Variants in PRODH2 observed in about 807,000 individuals in gnomAD.
PRODH2 encodes the protein hydroxyproline dehydrogenase.
Under a neutral mutation model 51.9 loss-of-function variants are expected in PRODH2, and 49 were observed. That is an observed-to-expected ratio of 0.94 (90% CI 0.75 to 1.20). The LOEUF (loss-of-function observed/expected upper bound fraction) is 1.20. PRODH2 is among the 50% of genes most tolerant of loss of function. The pLI is 0.00. For missense variants in PRODH2, 597 were observed against 610.9 expected (o/e 0.98, Z 0.24); for synonymous variants, 249 against 260.7 (o/e 0.96, Z 0.43).
At position 35,812,438 on chromosome 19, in the gene PRODH2, T is replaced by C; in HGVS notation, c.293A>G (p.Gln98Arg). The change falls in exon 2 of 10, where the codon CAG (glutamine) becomes CGG (arginine). Residue 98 changes from glutamine (Q) to arginine (R), a missense_variant. Coordinates refer to ENST00000653904, the MANE Select transcript of PRODH2 (RefSeq NM_021232.2). ...TCGGAGGCTGAGGGTCCGCAGCTGC[T>C]GCACGCAGCCCTTCACCTCCTCTGC... Reference protein sequence around the residue: ...ETAEEVKGCVQQLRTLSLRPL... With the variant: ...ETAEEVKGCVRQLRTLSLRPL... The C allele has an allele frequency of 6.2e-7, 1 of 1,614,226 alleles. No homozygotes were observed. Among genetic ancestry groups the C allele is most frequent in the Non-Finnish European group, 8.5e-7 (1 of 1,180,036 alleles).
chr19:35,809,965 A>T (rs1352010754), intron 4 of PRODH2, among the ~76,000 whole-genome samples: 1 of 130,450 alleles, frequency 7.7e-6, no homozygotes, highest in Non-Finnish European at 1.6e-5. Flanking sequence ...CTTCAAAAAA[A>T]AAAAAAAAAA....
chr19:35,812,421 T>G lies in PRODH2; in HGVS notation c.310A>C (p.Ser104Arg), dbSNP rs148660907. Residue 104 changes from serine (S) to arginine (R), a missense_variant, in exon 2 of 10, where the codon AGC becomes CGC. Transcript: ENST00000653904. Reference protein sequence around the residue: ...KGCVQQLRTLSLRPLLAVPTE... With the variant: ...KGCVQQLRTLRLRPLLAVPTE... ...GGCACTGCCAGCAGTGGTCGGAGGCTGAGGGTCCGCAGCTGCTGCACGCAG... is the reference window on the plus strand; with the variant it reads ...GGCACTGCCAGCAGTGGTCGGAGGCGGAGGGTCCGCAGCTGCTGCACGCAG... The G allele has an allele frequency of 1.1e-4, 183 of 1,614,238 alleles. 1 individual carries two copies. In the African/African-American group the frequency reaches 1.7e-3, roughly 15 times the overall value.
At position 35,802,190 on chromosome 19, in the gene PRODH2, C is replaced by G. The variant is rs763312751; in HGVS notation, c.1198+1G>C. 1.2e-6 allele frequency: 2 copies of G among 1,613,764 alleles called. No homozygotes were observed. The highest frequency in any genetic ancestry group is 2.7e-5 in the African/African-American group (2 of 74,844). On this transcript the variant is annotated splice_donor_variant, in intron 9 of 9. Transcript: ENST00000653904. LOFTEE classifies it high-confidence loss of function. ...TGGGGGTGGGGGAGCCATTCACATA[C>G]CCAGTGCTAGAGAGACGTGGTCACA...
At chr19:35,805,110 G>T (rs1482714893) in intron 7 of PRODH2, among the ~76,000 whole-genome samples, 1 of 152,108 alleles carries the variant, frequency 6.6e-6, no homozygotes, top group Admixed American at 6.6e-5. Context: ...TCATTGGTAT[G>T]AGGTTACTTT....
In PRODH2 at chr19:35,802,258, A is replaced by C. The variant is rs760256917; in HGVS notation, c.1131T>G (p.Ile377Met). ...CGAAACAGACAGTCCCATCCAGAGG[A>C]ATGCCCAGCTCCCACATGCTACAGA... is the stretch of plus-strand genomic sequence containing the variant. Reference protein sequence around the residue: ...QATKRMWELGIPLDGTVCFGQ... With the variant: ...QATKRMWELGMPLDGTVCFGQ... The change falls in exon 9 of 10, where the codon ATT (isoleucine) becomes ATG (methionine). Residue 377 changes from isoleucine to methionine, a missense_variant. Transcript: ENST00000653904. 2.0e-5 allele frequency: 32 copies of C among 1,614,020 alleles called. No homozygotes were observed. Among genetic ancestry groups the C allele is most frequent in the Middle Eastern group, 3.3e-4 (2 of 6,082 alleles).
intron 4 of PRODH2, among the ~76,000 whole-genome samples, chr19:35,807,431 T>C (rs1390145339): frequency 1.3e-5 from 2 of 151,982 alleles, no homozygotes; most frequent in African/African-American, 4.8e-5. Context: ...GCCTCCCGAG[T>C]AGCTGGGATT....
chr19:35,800,320 G>T (rs1972400995), intron 9 of PRODH2, 98 bp from the exon 10 acceptor site: 1 of 1,116,198 alleles, frequency 9.0e-7, no homozygotes, highest in Non-Finnish European at 1.2e-6. Flanking sequence ...TGCAATCTCA[G>T]CTCACTGCAA....
chr19:35,804,501 A>G (rs1345408987), intron 7 of PRODH2, among the ~76,000 whole-genome samples: 1 of 152,226 alleles, frequency 6.6e-6, no homozygotes, highest in Non-Finnish European at 1.5e-5. Context: ...ATTTTAACAG[A>G]GTGGGGAGAC....
In PRODH2 at chr19:35,806,605, C is replaced by T; in HGVS notation, c.835-9G>A. On this transcript the variant is annotated splice_polypyrimidine_tract_variant and intron_variant, in intron 6 of 9. Transcript: ENST00000653904. ...AGCCGCTCGAATGTGTCCTATAGGG[C>T]ACGCAGGCAGGTTCTGGTAGGTCAG... 2 of 1,614,128 alleles carry T rather than the reference C, an allele frequency of 1.2e-6. No individual in the cohort carries two copies. The highest frequency in any genetic ancestry group is 1.6e-4 in the Middle Eastern group (1 of 6,062).
chr19:35,812,779 A>G lies in PRODH2; in HGVS notation c.27T>C (p.Cys9=). The change falls in exon 1 of 10, where the codon TGT becomes TGC. Residue 9 remains cysteine, a synonymous_variant. Coordinates refer to ENST00000653904, the MANE Select transcript of PRODH2 (RefSeq NM_021232.2). Reference sequence around the variant, plus strand: ...CCCTGGAGGGGGGACCAGCTTGGGAACAGAGCACGTAACAGGTCCGGAGCA... The same window carrying G: ...CCCTGGAGGGGGGACCAGCTTGGGAGCAGAGCACGTAACAGGTCCGGAGCA... MLRTCYVL[C]SQAGPPSRGW... is the part of the protein sequence containing the mutation. 6.2e-7 allele frequency: 1 copy of G among 1,605,602 alleles called. No individual in the cohort carries two copies. Among genetic ancestry groups the G allele is most frequent in the Non-Finnish European group, 8.5e-7 (1 of 1,174,922 alleles).
chr19:35,806,279 T>C (rs1972509655), intron 7 of PRODH2, 151 bp downstream of exon 7: 3 of 955,136 alleles, frequency 3.1e-6, no homozygotes, highest in South Asian at 3.2e-5. Context: ...AGATGGGGTC[T>C]CCCTGTGTTG....
At chr19:35,810,318 A>T (rs1972589089) in intron 4 of PRODH2, among the ~76,000 whole-genome samples, 1 of 150,560 alleles carries the variant, frequency 6.6e-6, no homozygotes, top group East Asian at 1.9e-4. Context: ...AATAAAAATT[A>T]CAAATAAAAA....
In PRODH2 at chr19:35,812,690, C is replaced by T. The variant is rs776183593; in HGVS notation, c.116G>A (p.Arg39Gln). 3 of 1,608,236 alleles carry T rather than the reference C, an allele frequency of 1.9e-6. No individual in the cohort carries two copies. Among genetic ancestry groups the T allele is most frequent in the Non-Finnish European group, 2.6e-6 (3 of 1,176,112 alleles). The change falls in exon 1 of 10, where the codon CGG (arginine) becomes CAG (glutamine). Residue 39 changes from arginine (R) to glutamine (Q), a missense_variant. Transcript: ENST00000653904. ...ACACAGCCGGAGAACCAGCAAGGCC[C>T]GTGTCAGCTCTCCTGTGCCCTTAAG... is the stretch of plus-strand genomic sequence containing the variant. Reference protein sequence around the residue: ...FHLKGTGELTRALLVLRLCAW... With the variant: ...FHLKGTGELTQALLVLRLCAW...
intron 4 of PRODH2, among the ~76,000 whole-genome samples, 176 bp from the exon 5 acceptor site, chr19:35,807,297 TCA>T (rs1233683321): frequency 6.6e-6 from 1 of 152,140 alleles, no homozygotes; most frequent in Non-Finnish European, 1.5e-5. Context: ...TTTCTGGGCC[TCA>T]GTTTTTGTTT....
chr19:35,800,133 G>T lies in PRODH2; in HGVS notation c.1288C>A (p.Arg430=). 6.2e-7 allele frequency: 1 copy of T among 1,607,600 alleles called. No homozygotes were observed. Among genetic ancestry groups the T allele is most frequent in the Non-Finnish European group, 8.5e-7 (1 of 1,176,860 alleles). ...CTGCGGGCACCCTGAAGCACGCTCC[G>T]GTTCTCCTGGGCCCTCCGGATCAGG... The part of the protein sequence containing the change: ...PYLIRRAQEN[R]SVLQGARREQ... Residue 430 remains arginine, a synonymous_variant, in exon 10 of 10, where the codon CGG becomes AGG. Transcript: ENST00000653904.
chr19:35,804,139 G>C (rs1972473943), intron 7 of PRODH2, among the ~76,000 whole-genome samples: 1 of 152,126 alleles, frequency 6.6e-6, no homozygotes, highest in Admixed American at 6.5e-5. Context: ...ACAGCATAGG[G>C]GTCAAAATAG....
chr19:35,803,399 C>T (rs1029417944), intron 7 of PRODH2, among the ~76,000 whole-genome samples: 6 of 152,130 alleles, frequency 3.9e-5, no homozygotes, highest in Non-Finnish European at 7.4e-5. Context: ...GGATTACAGG[C>T]GTGCACCATC....
intron 9 of PRODH2, among the ~76,000 whole-genome samples, chr19:35,800,472 C>G (rs1323114238): frequency 6.6e-6 from 1 of 152,144 alleles, no homozygotes; most frequent in Non-Finnish European, 1.5e-5. Flanking sequence ...TGGTCTCGAA[C>G]TCCTGACCTC....
Position 35,806,668 on chromosome 19 carries a change from T to C in PRODH2, c.834+7A>G. On this transcript the variant is annotated splice_region_variant and intron_variant, in intron 6 of 9. Transcript: ENST00000653904. ...CCAGCCTGTACCTCCTGGAACACAC[T>C]GCACACCTTTAGACAGGCCTGGTAG... 2 of 1,614,034 alleles carry C rather than the reference T, an allele frequency of 1.2e-6. No individual in the cohort carries two copies. Among genetic ancestry groups the C allele is most frequent in the Non-Finnish European group, 1.7e-6 (2 of 1,179,892 alleles).
Sources: allele counts gnomAD v4.1 joint callset (sites outside exome capture counted in the v4.1 genomes callset), GRCh38; gene constraint gnomAD v4.1.1; transcripts MANE v1.5; gene names NCBI Gene and HGNC (gene_info 2026-07-23, HGNC 2026-07-21).